CTNNA3: variants seen among roughly 807,000 people sequenced by gnomAD.
The protein encoded by CTNNA3 is catenin alpha 3, also known as catenin alpha-3.
In CTNNA3, 76 loss-of-function variants were observed where a neutral mutation model predicts 95.7. The ratio of observed to expected loss-of-function variants is 0.79; its 90% CI spans 0.66 to 0.96. CTNNA3 has a LOEUF of 0.96. CTNNA3 is among the 40% of genes least tolerant of loss of function. The pLI is 0.00. For synonymous variants in CTNNA3, 431 were observed against 374.4 expected, an observed-to-expected ratio of 1.15 and a Z score of -1.74; for missense variants, 1,191 against 1,089.8, an observed-to-expected ratio of 1.09 and a Z score of -1.31.
intron 13 of CTNNA3, among the ~76,000 whole-genome samples, chr10:66,219,348 T>G (rs1054567895): frequency 6.6e-6 from 1 of 152,170 alleles, no homozygotes; most frequent in Non-Finnish European, 1.5e-5. Context: ...CAGTGATTGC[T>G]GAATCCTGGT....
chr10:66,323,822 A>G (rs928461620), intron 12 of CTNNA3, among the ~76,000 whole-genome samples: 5 of 151,968 alleles, frequency 3.3e-5, no homozygotes, highest in Admixed American at 6.6e-5. Context: ...TCCAGAAAAG[A>G]CCAGCAGATG....
At chr10:65,924,924 C>T (rs2077143680) in intron 17 of CTNNA3, among the ~76,000 whole-genome samples, 1 of 152,092 alleles carries the variant, frequency 6.6e-6, no homozygotes. Context: ...ACCATCAGAT[C>T]CTGTGAGACT....
intron 12 of CTNNA3, among the ~76,000 whole-genome samples, chr10:66,314,609 A>T (rs2092073018): frequency 6.6e-6 from 1 of 152,086 alleles, no homozygotes; most frequent in South Asian, 2.1e-4. Context: ...TAGAATCTTC[A>T]ATAAGTTTTT....
At chr10:66,992,900 C>T (rs1429033594) in intron 7 of CTNNA3, among the ~76,000 whole-genome samples, 1 of 152,096 alleles carries the variant, frequency 6.6e-6, no homozygotes, top group African/African-American at 2.4e-5. Flanking sequence ...TTCAATTTGA[C>T]CATTTTTGTA....
At chr10:66,654,095 A>C (rs191725541) in intron 9 of CTNNA3, among the ~76,000 whole-genome samples, 1 of 152,228 alleles carries the variant, frequency 6.6e-6, no homozygotes, top group Non-Finnish European at 1.5e-5. Flanking sequence ...CAAAAGTGAA[A>C]ATAGACAAAT....
intron 5 of CTNNA3, among the ~76,000 whole-genome samples, chr10:67,350,874 T>C (rs1842605084): frequency 3.9e-5 from 1 of 25,584 alleles, no homozygotes; most frequent in Non-Finnish European, 1.9e-4. Context: ...CCTCTATTCA[T>C]ACAAAAAAAA....
At chr10:66,036,008 C>T (rs1337369069) in intron 15 of CTNNA3, among the ~76,000 whole-genome samples, 1 of 152,136 alleles carries the variant, frequency 6.6e-6, no homozygotes, top group African/African-American at 2.4e-5. Flanking sequence ...ACTCACCCCA[C>T]ACCATATTTG....
At chr10:66,265,556 C>A (rs146427273) in intron 13 of CTNNA3, among the ~76,000 whole-genome samples, 2,926 of 152,148 alleles carry the variant, frequency 0.019, 58 homozygotes, top group South Asian at 0.074. Context: ...TACCACTCTA[C>A]TCCTCCATTC....
rs549581202 is a variant in CTNNA3 at position 66,113,532 on chromosome 10, C to T, written c.1885-10283G>A. ...TTGACTATCCAGATTCAAGGTCAAA[C>T]GCTGCCCTTAATATCTTGTGACCTA... On this transcript the variant is annotated intron_variant, in intron 13 of 17. Transcript: ENST00000433211. 3.3e-4 allele frequency among the ~76,000 whole-genome samples: 50 copies of T among 152,220 alleles called. No homozygotes were observed. The South Asian group carries it at 7.7e-3, about 23-fold the overall frequency.
intron 5 of CTNNA3, among the ~76,000 whole-genome samples, chr10:67,350,565 TA>T (rs11338454): frequency 0.18 from 23,006 of 124,998 alleles, 1,981 homozygotes; most frequent in Middle Eastern, 0.25. Flanking sequence ...AAATGGTTAG[TA>T]AAAAAAAAAA....
chr10:67,751,412 G>A (rs1002445461), intron 1 of CTNNA3, among the ~76,000 whole-genome samples: 4 of 152,144 alleles, frequency 2.6e-5, no homozygotes, highest in African/African-American at 9.7e-5. Context: ...TAGGATCAGA[G>A]TATCACAGAA....
chr10:67,133,305 T>C (rs909928264), intron 7 of CTNNA3, among the ~76,000 whole-genome samples: 6 of 53,214 alleles, frequency 1.1e-4, no homozygotes, highest in Middle Eastern at 0.034. Context: ...GCATATTGCC[T>C]GATATATATA....
Position 66,284,219 on chromosome 10 carries a change from G to A in CTNNA3, c.1733-3598C>T, listed in dbSNP as rs2091545023. Among the ~76,000 whole-genome samples the A allele has an allele frequency of 2.0e-5, 3 of 151,874 alleles. No homozygotes were observed. In the South Asian group the frequency reaches 6.2e-4, roughly 31 times the overall value. On this transcript the variant is annotated intron_variant, in intron 12 of 17. Transcript: ENST00000433211. The stretch of plus-strand genomic sequence containing the variant: ...TTCTCTGCCTACTTTATTCAGAATA[G>A]ACAGAATAATAGCTACCATTCTCAC...
At chr10:66,661,422 C>A (rs1161764009) in intron 9 of CTNNA3, among the ~76,000 whole-genome samples, 1 of 152,096 alleles carries the variant, frequency 6.6e-6, no homozygotes, top group Non-Finnish European at 1.5e-5. Context: ...TCAAATCCCT[C>A]CCACAACACG....
intron 5 of CTNNA3, among the ~76,000 whole-genome samples, chr10:67,255,141 C>T (rs1755852367): frequency 6.6e-6 from 1 of 151,922 alleles, no homozygotes; most frequent in African/African-American, 2.4e-5. Flanking sequence ...ACTAAAAATA[C>T]AAAATTAGCC....
chr10:65,960,457 G>A (rs1377413677), intron 17 of CTNNA3, among the ~76,000 whole-genome samples: 4 of 151,980 alleles, frequency 2.6e-5, no homozygotes, highest in East Asian at 1.9e-4. Flanking sequence ...CCCAGGAGGC[G>A]GAGCTTGCAG....
chr10:66,305,352 A>G (rs2091917666), intron 12 of CTNNA3, among the ~76,000 whole-genome samples: 1 of 152,186 alleles, frequency 6.6e-6, no homozygotes, highest in Non-Finnish European at 1.5e-5. Flanking sequence ...AGTGTTGATA[A>G]TAATGTATCC....
intron 5 of CTNNA3, among the ~76,000 whole-genome samples, chr10:67,475,817 A>T (rs748345794): frequency 3.0e-4 from 46 of 152,350 alleles, no homozygotes; most frequent in Middle Eastern, 3.4e-3. Context: ...TGGATTTTCA[A>T]AGATCAGAAG....
chr10:67,086,885 A>G (rs1857342484), intron 7 of CTNNA3, among the ~76,000 whole-genome samples: 1 of 152,056 alleles, frequency 6.6e-6, no homozygotes, highest in Admixed American at 6.6e-5. Flanking sequence ...GACCAAAAAC[A>G]TTAACTGATG....
Sources: allele counts gnomAD v4.1 joint callset (sites outside exome capture counted in the v4.1 genomes callset), GRCh38; gene constraint gnomAD v4.1.1; transcripts MANE v1.5; gene names NCBI Gene and HGNC (gene_info 2026-07-23, HGNC 2026-07-21).